Variants in PCDH11X observed in about 807,000 individuals in gnomAD.
The protein encoded by PCDH11X is protocadherin 11 X-linked.
PCDH11X carries 18 observed loss-of-function variants against 53.3 expected under a neutral mutation model. That is an observed-to-expected ratio of 0.34 (90% CI 0.23 to 0.50). The LOEUF (loss-of-function observed/expected upper bound fraction) is 0.50. Among genes scored for constraint, PCDH11X ranks in the 20% least tolerant of loss-of-function variants. The pLI is 0.98. For missense variants in PCDH11X, 570 were observed against 1,032.4 expected (o/e 0.55, Z 6.14); for synonymous variants, 279 against 393.3 (o/e 0.71, Z 3.44).
chrX:91,827,174 A>G (rs1368297775), intron 4 of PCDH11X, among the ~76,000 whole-genome samples: 1 of 111,803 alleles, frequency 8.9e-6, no homozygotes, highest in Non-Finnish European at 1.9e-5. Flanking sequence ...GTGAGATGAT[A>G]TCTCATTGAG....
chrX:92,311,766 G>A (rs1052115912), intron 8 of PCDH11X, among the ~76,000 whole-genome samples: 54 of 110,353 alleles, frequency 4.9e-4, no homozygotes, highest in Non-Finnish European at 7.0e-4. Context: ...AAATTTGTCC[G>A]TGATATTCAG....
chrX:92,601,005 T>C (rs1333584877), intron 10 of PCDH11X, among the ~76,000 whole-genome samples: 1 of 111,307 alleles, frequency 9.0e-6, no homozygotes, highest in Non-Finnish European at 1.9e-5. Flanking sequence ...TTTCTCCCAT[T>C]TGGAATGGGC....
At chrX:92,391,925 T>G (rs2071137217) in intron 9 of PCDH11X, among the ~76,000 whole-genome samples, 1 of 111,360 alleles carries the variant, frequency 9.0e-6, no homozygotes, top group Admixed American at 9.6e-5. Context: ...TTTCTAGTCA[T>G]AAATCAGTTC....
chrX:92,480,690 TC>T (rs2073484413), intron 10 of PCDH11X, among the ~76,000 whole-genome samples: 1 of 110,835 alleles, frequency 9.0e-6, no homozygotes, highest in African/African-American at 3.3e-5. Context: ...GTCTTTGTTC[TC>T]TGGCTCCTCA....
intron 6 of PCDH11X, among the ~76,000 whole-genome samples, chrX:92,004,474 G>A (rs1486121702): frequency 9.0e-6 from 1 of 111,051 alleles, no homozygotes; most frequent in South Asian, 3.8e-4. Flanking sequence ...CAATGCTGAA[G>A]GTCTGGTGGT....
At chrX:92,363,431 C>T (rs2148542189) in intron 8 of PCDH11X, among the ~76,000 whole-genome samples, 1 of 110,303 alleles carries the variant, frequency 9.1e-6, no homozygotes, top group East Asian at 2.8e-4. Context: ...AAATGTTTTC[C>T]TAATTTTATT....
At chrX:92,003,460 A>G (rs762418883) in intron 6 of PCDH11X, among the ~76,000 whole-genome samples, 43 of 109,314 alleles carry the variant, frequency 3.9e-4, no homozygotes, top group African/African-American at 1.4e-3. Context: ...ATTGGCATTA[A>G]TCACTTAAAT....
At chrX:92,056,523 C>A (rs1333132138) in intron 6 of PCDH11X, among the ~76,000 whole-genome samples, 1 of 111,249 alleles carries the variant, frequency 9.0e-6, no homozygotes, top group Non-Finnish European at 1.9e-5. Context: ...TGTGTAAAAG[C>A]TCTTTCGTTT....
At chrX:92,143,559 G>A (rs1404662119) in intron 6 of PCDH11X, among the ~76,000 whole-genome samples, 5 of 112,664 alleles carry the variant, frequency 4.4e-5, no homozygotes, top group South Asian at 3.6e-4. Flanking sequence ...GCCTGTGGGT[G>A]CACAGATGTC....
chrX:92,219,405 A>G (rs977491841), intron 7 of PCDH11X, among the ~76,000 whole-genome samples: 5 of 111,161 alleles, frequency 4.5e-5, no homozygotes, highest in Non-Finnish European at 9.4e-5. Flanking sequence ...CACCAATAAC[A>G]GACAAACAGA....
chrX:91,848,804 GA>G (rs893787738), intron 5 of PCDH11X, among the ~76,000 whole-genome samples: 10 of 111,679 alleles, frequency 9.0e-5, no homozygotes, highest in African/African-American at 3.2e-4. Flanking sequence ...CTTTTCTAAA[GA>G]TAAGTATAAG....
intron 5 of PCDH11X, among the ~76,000 whole-genome samples, chrX:91,867,169 G>C (rs1270836515): frequency 9.0e-6 from 1 of 111,400 alleles, no homozygotes; most frequent in Admixed American, 9.6e-5. Context: ...AGATTATATT[G>C]TATTGATGCC....
intron 6 of PCDH11X, among the ~76,000 whole-genome samples, chrX:91,922,717 C>T (rs35262815): frequency 5.3e-5 from 6 of 112,201 alleles, no homozygotes; most frequent in Non-Finnish European, 1.1e-4. Context: ...AGTTTCATCC[C>T]GAAACCTACC....
At chrX:92,187,212 G>A (rs968360170) in intron 6 of PCDH11X, among the ~76,000 whole-genome samples, 2 of 111,375 alleles carry the variant, frequency 1.8e-5, no homozygotes, top group African/African-American at 6.5e-5. Context: ...AGGCTCTAGA[G>A]GTGAATCTGT....
chrX:92,209,338 C>T (rs66638550), intron 7 of PCDH11X, among the ~76,000 whole-genome samples: 18,527 of 111,383 alleles, frequency 0.17, 1,316 homozygotes, highest in Admixed American at 0.29. Context: ...CGAGATACAA[C>T]GAGGGTACAG....
chrX:91,786,448 TA>T (rs1488416626), intron 1 of PCDH11X, among the ~76,000 whole-genome samples: 1 of 94,331 alleles, frequency 1.1e-5, no homozygotes, highest in Non-Finnish European at 2.1e-5. Context: ...TTAATTAAAC[TA>T]AAGGAAAATT....
intron 6 of PCDH11X, among the ~76,000 whole-genome samples, chrX:92,129,159 G>A (rs1428615316): frequency 1.8e-5 from 2 of 110,401 alleles, no homozygotes; most frequent in African/African-American, 3.3e-5. Context: ...TTGGGAGGCC[G>A]AGGCAGGCGG....
intron 6 of PCDH11X, among the ~76,000 whole-genome samples, chrX:92,145,857 T>C (rs1441189571): frequency 2.7e-5 from 3 of 109,251 alleles, no homozygotes; most frequent in Non-Finnish European, 3.8e-5. Context: ...CTATGATCTC[T>C]CCAAAGATGT....
In PCDH11X at chrX:91,941,157, A is replaced by G. The variant is rs542477373; in HGVS notation, c.3033+61884A>G. Among the ~76,000 whole-genome samples the G allele has an allele frequency of 7.2e-4, 80 of 111,211 alleles. 1 individual carries two copies. In the South Asian group the frequency reaches 0.03, roughly 42 times the overall value. ...AGAGAAAGAAGAAAACAGGAAAGAC[A>G]TAGGACAAACAAAAAAACAAATAGC... is the stretch of plus-strand genomic sequence containing the variant. On this transcript the variant is annotated intron_variant, in intron 6 of 10. Coordinates refer to ENST00000682573, the MANE Select transcript of PCDH11X (RefSeq NM_032968.5).
Sources: allele counts gnomAD v4.1 joint callset (sites outside exome capture counted in the v4.1 genomes callset), GRCh38; gene constraint gnomAD v4.1.1; transcripts MANE v1.5; gene names NCBI Gene and HGNC (gene_info 2026-07-23, HGNC 2026-07-21).